IPO11: variants seen among roughly 807,000 people sequenced by gnomAD.
The protein encoded by IPO11 is importin 11.
Under a neutral mutation model 143.2 loss-of-function variants are expected in IPO11, and 66 were observed. The ratio of observed to expected loss-of-function variants is 0.46; its 90% CI spans 0.38 to 0.57. The LOEUF is 0.57. Ranked by LOEUF, IPO11 falls within the 20% of genes least tolerant of loss-of-function variation. IPO11 has a pLI of 0.00. For missense variants in IPO11, 1,026 were observed against 1,141.0 expected, an observed-to-expected ratio of 0.90 and a Z score of 1.45; for synonymous variants, 385 against 377.8, an observed-to-expected ratio of 1.02 and a Z score of -0.22.
chr5:62,569,027 G>A (rs1744050441), intron 27 of IPO11, among the ~76,000 whole-genome samples: 1 of 152,178 alleles, frequency 6.6e-6, no homozygotes, highest in African/African-American at 2.4e-5. Context: ...AATTCCTAGG[G>A]TTCCCAGGCA....
At chr5:62,518,915 T>C (rs1742118518) in intron 20 of IPO11, among the ~76,000 whole-genome samples, 1 of 152,162 alleles carries the variant, frequency 6.6e-6, no homozygotes, top group Non-Finnish European at 1.5e-5. Flanking sequence ...TACAAATGAA[T>C]AGAATGGGAT....
Position 62,559,711 on chromosome 5 carries a change from G to GT in IPO11, c.2461-1422dup, listed in dbSNP as rs1329066359. 2.0e-5 allele frequency among the ~76,000 whole-genome samples: 3 copies of GT among 151,826 alleles called. No individual in the cohort carries two copies. The East Asian group carries it at 5.8e-4, about 29-fold the overall frequency. Reference sequence around the variant, plus strand: ...GCGGGTGGATCACCTTAGGTCCGGAGTTTGATACCAACCTGGCCAATATGG... The same window carrying GT: ...GCGGGTGGATCACCTTAGGTCCGGAGTTTTGATACCAACCTGGCCAATATGG... On this transcript the variant is annotated intron_variant, in intron 26 of 29. Coordinates refer to ENST00000325324, the MANE Select transcript of IPO11 (RefSeq NM_016338.5).
intron 1 of IPO11, chr5:62,422,570 T>G (rs1743551247): frequency 6.6e-6 from 1 of 152,152 alleles, no homozygotes; most frequent in South Asian, 2.1e-4. Context: ...ACTGATCAGG[T>G]AGGGGGTGTC....
intron 15 of IPO11, among the ~76,000 whole-genome samples, chr5:62,492,262 T>G (rs115313601): frequency 0.017 from 2,659 of 152,034 alleles, 71 homozygotes; most frequent in African/African-American, 0.059. Context: ...GTCCCAAAAT[T>G]GATGGTTCTT....
intron 28 of IPO11, among the ~76,000 whole-genome samples, chr5:62,592,990 A>G (rs1745086306): frequency 1.3e-5 from 2 of 152,134 alleles, no homozygotes; most frequent in Admixed American, 6.5e-5. Context: ...AAAGTTTACA[A>G]CTCAATGTGA....
chr5:62,417,126 T>G (rs960223702), intron 1 of IPO11, among the ~76,000 whole-genome samples: 4 of 151,296 alleles, frequency 2.6e-5, no homozygotes, highest in African/African-American at 9.7e-5. Context: ...CTTAGTTTTT[T>G]TTTTTCTCCT....
intron 29 of IPO11, among the ~76,000 whole-genome samples, chr5:62,604,289 A>G (rs1436234383): frequency 6.6e-6 from 1 of 151,832 alleles, no homozygotes; most frequent in African/African-American, 2.4e-5. Flanking sequence ...GCTCTCTGCA[A>G]CCTCCGCCTC....
chr5:62,594,195 A>T (rs770004507), intron 28 of IPO11, among the ~76,000 whole-genome samples: 1 of 152,330 alleles, frequency 6.6e-6, no homozygotes, highest in East Asian at 1.9e-4. Context: ...AAATATGTAT[A>T]TATAAAGAAA....
rs563871697 is a variant in IPO11, at chr5:62,435,673, C to T, written c.-6-1601C>T. 7.3e-5 allele frequency among the ~76,000 whole-genome samples: 11 copies of T among 149,814 alleles called. No individual in the cohort carries two copies. In the East Asian group the frequency reaches 1.6e-3, roughly 22 times the overall value. On this transcript the variant is annotated intron_variant, in intron 1 of 29. Coordinates refer to ENST00000325324, the MANE Select transcript of IPO11 (RefSeq NM_016338.5). ...CTGGCAGGCAGAGGTTGCAGTGAGC[C>T]GAGATCGTGCCACTGCACTCCAGCC...
chr5:62,565,128 A>C (rs1051032018), intron 27 of IPO11, among the ~76,000 whole-genome samples: 1 of 152,206 alleles, frequency 6.6e-6, no homozygotes, highest in African/African-American at 2.4e-5. Flanking sequence ...TGAATGGGAA[A>C]GATATATTTT....
intron 24 of IPO11, among the ~76,000 whole-genome samples, chr5:62,546,822 A>G (rs998440271): frequency 1.4e-4 from 21 of 152,178 alleles, no homozygotes; most frequent in Non-Finnish European, 2.9e-4. Context: ...GTTTGAGAAT[A>G]TAAGTAAGGA....
chr5:62,555,573 G>T (rs189375435), intron 26 of IPO11, among the ~76,000 whole-genome samples: 1 of 151,146 alleles, frequency 6.6e-6, no homozygotes, highest in Non-Finnish European at 1.5e-5. Flanking sequence ...GTGCAGTCTC[G>T]GCTCGCTGCA....
At chr5:62,426,690 A>G (rs1412626660) in intron 1 of IPO11, among the ~76,000 whole-genome samples, 3 of 151,862 alleles carry the variant, frequency 2.0e-5, no homozygotes, top group Non-Finnish European at 4.4e-5. Flanking sequence ...GACTATAAGA[A>G]TGATAACCCC....
intron 6 of IPO11, among the ~76,000 whole-genome samples, chr5:62,467,979 G>T (rs921556857): frequency 3.3e-5 from 5 of 151,908 alleles, no homozygotes; most frequent in Non-Finnish European, 7.4e-5. Context: ...ACAGGGTCTT[G>T]CTCTGTCTCC....
intron 5 of IPO11, among the ~76,000 whole-genome samples, chr5:62,461,173 T>G (rs991229639): frequency 6.6e-6 from 1 of 151,902 alleles, no homozygotes; most frequent in South Asian, 2.1e-4. Context: ...TGCTCAACTC[T>G]GAATACAAGG....
chr5:62,557,993 A>G (rs1300064898), intron 26 of IPO11, among the ~76,000 whole-genome samples: 1 of 152,190 alleles, frequency 6.6e-6, no homozygotes, highest in Non-Finnish European at 1.5e-5. Flanking sequence ...TAAGTCACCT[A>G]GAACTTTATA....
intron 29 of IPO11, among the ~76,000 whole-genome samples, chr5:62,616,680 C>T (rs1746148179): frequency 7.1e-6 from 1 of 140,676 alleles, no homozygotes; most frequent in South Asian, 2.3e-4. Context: ...AGGCTGTGCC[C>T]CTGCACTCCA....
chr5:62,539,317 C>A (rs1170976209), intron 24 of IPO11, among the ~76,000 whole-genome samples: 4 of 152,126 alleles, frequency 2.6e-5, no homozygotes, highest in African/African-American at 9.7e-5. Flanking sequence ...GATACGTAAT[C>A]CTGCCATCTG....
intron 20 of IPO11, among the ~76,000 whole-genome samples, chr5:62,516,584 A>G (rs1742029011): frequency 6.6e-6 from 1 of 152,122 alleles, no homozygotes; most frequent in Non-Finnish European, 1.5e-5. Context: ...ATGAGCCACC[A>G]TGCCCAGCCC....
Sources: allele counts gnomAD v4.1 joint callset (sites outside exome capture counted in the v4.1 genomes callset), GRCh38; gene constraint gnomAD v4.1.1; transcripts MANE v1.5; gene names NCBI Gene and HGNC (gene_info 2026-07-23, HGNC 2026-07-21).